The following CRISPLD1 variants were observed in gnomAD, a reference collection of about 807,000 sequenced individuals.
CRISPLD1 encodes the protein cysteine-rich secretory protein LCCL domain-containing 1.
A neutral mutation model predicts 77.5 loss-of-function variants in CRISPLD1; 60 were observed. The observed-to-expected ratio is 0.77, with a 90% CI of 0.63 to 0.96. CRISPLD1 has a LOEUF of 0.96. Among genes scored for constraint, CRISPLD1 ranks in the 40% least tolerant of loss-of-function variants. The pLI is 0.00. For missense variants in CRISPLD1, 623 were observed against 615.8 expected, an observed-to-expected ratio of 1.01 and a Z score of -0.12; for synonymous variants, 195 against 200.1, an observed-to-expected ratio of 0.97 and a Z score of 0.22.
intron 2 of CRISPLD1, among the ~76,000 whole-genome samples, chr8:74,990,173 T>C (rs1812551552): frequency 6.6e-6 from 1 of 152,148 alleles, no homozygotes; most frequent in African/African-American, 2.4e-5. Context: ...TGTAATTATG[T>C]AATGTGTATA....
intron 12 of CRISPLD1, among the ~76,000 whole-genome samples, chr8:75,023,408 C>G (rs978162269): frequency 1.3e-5 from 2 of 152,108 alleles, no homozygotes; most frequent in African/African-American, 4.8e-5. Flanking sequence ...CTGCAGAAAC[C>G]CCAAACAGCA....
At chr8:75,000,116 G>C in intron 2 of CRISPLD1, 2 of 984,328 alleles carry the variant, frequency 2.0e-6, no homozygotes, top group Non-Finnish European at 2.4e-6. Flanking sequence ...AATGTCCCCT[G>C]TATGTCATAG....
Position 75,029,498 on chromosome 8 carries a change from A to C in CRISPLD1, c.1432A>C (p.Asn478His), listed in dbSNP as rs926331763. 5.0e-6 allele frequency: 8 copies of C among 1,613,726 alleles called. No homozygotes were observed. Among genetic ancestry groups the C allele is most frequent in the Non-Finnish European group, 6.8e-6 (8 of 1,179,716 alleles). ...KRKTYIASFQ[N>H]GIFSESLQNP... ...AAAGACCTACATTGCTTCTTTTCAG[A>C]ATGGAATCTTCTCAGAAAGGTAAAA... The change falls in exon 14 of 15, where the codon AAT (asparagine) becomes CAT (histidine). Residue 478 changes from asparagine (N) to histidine (H), a missense_variant. Coordinates refer to ENST00000262207, the MANE Select transcript of CRISPLD1 (RefSeq NM_031461.6).
chr8:74,993,490 A>T (rs1034216591), intron 2 of CRISPLD1, among the ~76,000 whole-genome samples: 6 of 152,296 alleles, frequency 3.9e-5, no homozygotes, highest in Admixed American at 6.5e-5. Flanking sequence ...GAGATACAAT[A>T]AGTTGTTTTA....
At chr8:75,011,874 A>G (rs1359368560) in intron 2 of CRISPLD1, among the ~76,000 whole-genome samples, 2 of 152,156 alleles carry the variant, frequency 1.3e-5, no homozygotes, top group Non-Finnish European at 2.9e-5. Context: ...AGATACTGAT[A>G]TTACAATGTA....
chr8:75,026,544 G>GA (rs1813239243), intron 13 of CRISPLD1: 1 of 152,262 alleles, frequency 6.6e-6, no homozygotes, highest in South Asian at 2.1e-4. Flanking sequence ...GTCTGAGAGA[G>GA]AGAGGAATCC....
chr8:75,030,704 GTGTA>G (rs1554535320), intron 14 of CRISPLD1, among the ~76,000 whole-genome samples: 1 of 150,332 alleles, frequency 6.7e-6, no homozygotes, highest in African/African-American at 2.5e-5. Flanking sequence ...GTGTGTGTGT[GTGTA>G]TATGTATGTG....
At chr8:75,003,303 T>C (rs1291414980) in intron 2 of CRISPLD1, among the ~76,000 whole-genome samples, 1 of 152,244 alleles carries the variant, frequency 6.6e-6, no homozygotes, top group Non-Finnish European at 1.5e-5. Context: ...GATTTCAGTT[T>C]CATTGTGTCC....
chr8:75,019,943 G>A (rs563008926), intron 11 of CRISPLD1, 30 bp downstream of exon 11: 43 of 1,608,934 alleles, frequency 2.7e-5, no homozygotes, highest in Non-Finnish European at 3.6e-5. Context: ...TATTTTCTTA[G>A]TACTGTGTAG....
chr8:75,032,339 C>G lies in CRISPLD1; in HGVS notation c.*97C>G, dbSNP rs528562697. 15 of 819,440 alleles carry G rather than the reference C, an allele frequency of 1.8e-5. 3 individuals carry two copies. The African/African-American group carries it at 2.6e-4, about 14-fold the overall frequency. 50.8% of individuals were successfully genotyped at this position (819,440 alleles called of 1,614,324 possible). A position where few individuals can be genotyped will look rare whatever the true frequency, so the allele number is the denominator to read the frequency against. ...AACATTACTGTACAGAGTACATCAA[C>G]TATTTTCAGCCCAAAAAGGTGCCAA... is the stretch of plus-strand genomic sequence containing the variant. On this transcript the variant is annotated 3_prime_UTR_variant, in exon 15 of 15. Coordinates refer to ENST00000262207, the MANE Select transcript of CRISPLD1 (RefSeq NM_031461.6).
intron 2 of CRISPLD1, among the ~76,000 whole-genome samples, chr8:74,995,942 T>C (rs1324435825): frequency 6.6e-6 from 1 of 151,788 alleles, no homozygotes; most frequent in Non-Finnish European, 1.5e-5. Context: ...ACCAAATTAT[T>C]GCACATGCTT....
chr8:75,011,843 G>A (rs924214885), intron 2 of CRISPLD1, among the ~76,000 whole-genome samples: 1 of 152,138 alleles, frequency 6.6e-6, no homozygotes, highest in Admixed American at 6.6e-5. Context: ...ACAGTCTCAT[G>A]AAAAAGATAG....
chr8:75,017,018 A>G (rs1813042484), intron 8 of CRISPLD1, 29 bp from the exon 9 acceptor site: 2 of 1,600,800 alleles, frequency 1.2e-6, no homozygotes, highest in Non-Finnish European at 1.7e-6. Flanking sequence ...CAGAGAAACT[A>G]AATTTTGTGC....
At chr8:75,011,591 G>T (rs1159213418) in intron 2 of CRISPLD1, among the ~76,000 whole-genome samples, 3 of 151,932 alleles carry the variant, frequency 2.0e-5, no homozygotes, top group African/African-American at 7.3e-5. Context: ...CCCAGGACTT[G>T]GAAAATTATT....
intron 12 of CRISPLD1, among the ~76,000 whole-genome samples, chr8:75,020,284 A>G (rs1813110753): frequency 6.6e-6 from 1 of 152,244 alleles, no homozygotes; most frequent in Non-Finnish European, 1.5e-5. Flanking sequence ...TCATAATGTC[A>G]GGGTTTATGC....
intron 2 of CRISPLD1, among the ~76,000 whole-genome samples, chr8:74,987,519 A>G (rs1812514421): frequency 6.6e-6 from 1 of 152,244 alleles, no homozygotes; most frequent in Non-Finnish European, 1.5e-5. Flanking sequence ...AAATGTTACC[A>G]AGACATATAT....
intron 14 of CRISPLD1, among the ~76,000 whole-genome samples, chr8:75,029,746 C>T (rs1051041785): frequency 7.9e-5 from 12 of 152,098 alleles, no homozygotes; most frequent in Non-Finnish European, 1.8e-4. Flanking sequence ...ACATGAAAAT[C>T]GGATTACAAG....
chr8:75,029,293 G>A, intron 13 of CRISPLD1, 94 bp from the exon 14 acceptor site: 1 of 1,264,320 alleles, frequency 7.9e-7, no homozygotes, highest in Non-Finnish European at 1.1e-6. Context: ...ACATCAGGAT[G>A]TCAGCGACTT....
intron 12 of CRISPLD1, among the ~76,000 whole-genome samples, chr8:75,025,133 A>G (rs1356168587): frequency 6.6e-6 from 1 of 152,206 alleles, no homozygotes; most frequent in Non-Finnish European, 1.5e-5. Flanking sequence ...AAACTATGAA[A>G]TTGGATGAGA....
Sources: allele counts gnomAD v4.1 joint callset (sites outside exome capture counted in the v4.1 genomes callset), GRCh38; gene constraint gnomAD v4.1.1; transcripts MANE v1.5; gene names NCBI Gene and HGNC (gene_info 2026-07-23, HGNC 2026-07-21).